The following MACROD1 variants were observed in gnomAD, a reference collection of about 807,000 sequenced individuals.
MACROD1 encodes ADP-ribose glycohydrolase MACROD1.
In MACROD1, 31 loss-of-function variants were observed where a neutral mutation model predicts 41.4. The observed-to-expected ratio is 0.75, with a 90% CI of 0.56 to 1.01. MACROD1 has a LOEUF of 1.01. MACROD1 is among the 50% of genes least tolerant of loss of function. The pLI is 0.00. For missense variants in MACROD1, 473 were observed against 460.0 expected, an observed-to-expected ratio of 1.03 and a Z score of -0.26; for synonymous variants, 252 against 203.4, an observed-to-expected ratio of 1.24 and a Z score of -2.03.
chr11:64,035,339 G>A (rs1253316892), intron 3 of MACROD1, among the ~76,000 whole-genome samples: 1 of 152,182 alleles, frequency 6.6e-6, no homozygotes, highest in Non-Finnish European at 1.5e-5. Context: ...GGTTACTTTG[G>A]CATGCAGAGT....
At chr11:63,999,823 T>C in intron 5 of MACROD1, 60 bp from the exon 6 acceptor site, 1 of 1,549,714 alleles carries the variant, frequency 6.5e-7, no homozygotes, top group Non-Finnish European at 8.7e-7. Context: ...CTCCCTCGCT[T>C]CCCCCTGCCG....
At chr11:64,070,049 C>A (rs1944078388) in intron 3 of MACROD1, among the ~76,000 whole-genome samples, 1 of 152,136 alleles carries the variant, frequency 6.6e-6, no homozygotes, top group South Asian at 2.1e-4. Flanking sequence ...AGGCTCTGTG[C>A]TAAGCACTCC....
chr11:64,103,158 G>A (rs1485696410), intron 3 of MACROD1: 1 of 152,232 alleles, frequency 6.6e-6, no homozygotes, highest in Non-Finnish European at 1.5e-5. Context: ...GGTCCCTCAT[G>A]TCTCTGGGCT....
intron 1 of MACROD1, among the ~76,000 whole-genome samples, chr11:64,162,758 T>C (rs1277813841): frequency 1.3e-5 from 2 of 150,442 alleles, no homozygotes; most frequent in Admixed American, 6.7e-5. Flanking sequence ...GAGCTTGCAA[T>C]GAACCAAGGT....
chr11:64,013,469 G>T lies in MACROD1; in HGVS notation c.547+1783C>A, dbSNP rs547226534. On this transcript the variant is annotated intron_variant, in intron 4 of 10. Transcript: ENST00000255681. ...AGGCCCGGAGGCAGGAGTGGGCGGG[G>T]CCTGTCCAGGGAGGCCAGGGTGGCC... Among the ~76,000 whole-genome samples the T allele has an allele frequency of 7.2e-5, 11 of 152,372 alleles. No homozygotes were observed. In the South Asian group the frequency reaches 2.1e-3, roughly 29 times the overall value.
rs1402142553 is a variant in MACROD1 at position 64,067,653 on chromosome 11, A to T, written c.518-52372T>A. Among the ~76,000 whole-genome samples, 2 of 152,150 alleles carry T rather than the reference A, an allele frequency of 1.3e-5. No individual in the cohort carries two copies. The highest frequency in any genetic ancestry group is 4.8e-5 in the African/African-American group (2 of 41,432). On this transcript the variant is annotated intron_variant, in intron 3 of 10. Transcript: ENST00000255681. This position sits in a 1 kb window ranked among gnomAD's most constrained non-coding sequence, Gnocchi z 4.6. ...CTCCGGTGCACACACAGGGTCCCCA[A>T]GCAGGCAGCTGGAGGGCTGGGGTGC... is the stretch of plus-strand genomic sequence containing the variant.
chr11:64,068,754 C>G (rs1163287776), intron 3 of MACROD1, among the ~76,000 whole-genome samples: 2 of 152,222 alleles, frequency 1.3e-5, no homozygotes, highest in Non-Finnish European at 2.9e-5. Flanking sequence ...GCCTGGGAGC[C>G]CAGATAATGG....
intron 4 of MACROD1, among the ~76,000 whole-genome samples, chr11:64,007,506 G>C (rs927950892): frequency 1.3e-4 from 20 of 152,298 alleles, no homozygotes; most frequent in African/African-American, 4.6e-4. Flanking sequence ...CCTGTGGCAG[G>C]AACAGGCCGG....
chr11:64,154,879 C>T (rs1426166767), intron 1 of MACROD1, among the ~76,000 whole-genome samples: 1 of 152,178 alleles, frequency 6.6e-6, no homozygotes, highest in Non-Finnish European at 1.5e-5. Flanking sequence ...GCCAGCACAC[C>T]CAACTAATTT....
At chr11:64,116,705 G>A (rs780377796) in intron 3 of MACROD1, 22 of 1,613,674 alleles carry the variant, frequency 1.4e-5, no homozygotes, top group Non-Finnish European at 1.6e-5. Context: ...CCAGGGACTC[G>A]CTGGCCCGCA....
At chr11:64,000,145 G>C in intron 5 of MACROD1, 82 bp downstream of exon 5, 1 of 1,158,146 alleles carries the variant, frequency 8.6e-7, no homozygotes, top group Non-Finnish European at 1.2e-6. Context: ...CAGCACTCCT[G>C]TGGGGGCCGC....
At chr11:64,163,509 G>A (rs1324334739) in intron 1 of MACROD1, among the ~76,000 whole-genome samples, 1 of 152,148 alleles carries the variant, frequency 6.6e-6, no homozygotes, top group African/African-American at 2.4e-5. Context: ...GATCCCTCTC[G>A]TGGAGCATAT....
chr11:64,080,145 G>A (rs530833432), intron 3 of MACROD1, among the ~76,000 whole-genome samples: 3 of 152,126 alleles, frequency 2.0e-5, no homozygotes, highest in Admixed American at 6.5e-5. Context: ...CCCGAGTAGC[G>A]GGGATTACAG....
intron 3 of MACROD1, among the ~76,000 whole-genome samples, chr11:64,137,197 T>C (rs973641848): frequency 1.3e-5 from 2 of 152,172 alleles, no homozygotes; most frequent in African/African-American, 4.8e-5. Context: ...CCAGTGGGCC[T>C]GAGCAAGACA....
chr11:64,068,448 G>C (rs974562173), intron 3 of MACROD1, among the ~76,000 whole-genome samples: 3 of 152,230 alleles, frequency 2.0e-5, no homozygotes, highest in Admixed American at 1.3e-4. Flanking sequence ...AGGAATAAAA[G>C]AGTCTGGGCA....
intron 3 of MACROD1, among the ~76,000 whole-genome samples, chr11:64,074,050 C>T (rs530749553): frequency 5.9e-5 from 9 of 152,292 alleles, no homozygotes; most frequent in East Asian, 1.9e-4. Context: ...ACTGTCAGCC[C>T]GGCCAGCTGG....
At chr11:64,006,193 C>T (rs2134326084) in intron 4 of MACROD1, among the ~76,000 whole-genome samples, 1 of 152,346 alleles carries the variant, frequency 6.6e-6, no homozygotes, top group South Asian at 2.1e-4. Context: ...AGTGACCTAC[C>T]CAAGGGTCTT....
intron 3 of MACROD1, among the ~76,000 whole-genome samples, chr11:64,050,984 C>G (rs976580518): frequency 6.6e-6 from 1 of 152,220 alleles, no homozygotes; most frequent in African/African-American, 2.4e-5. Context: ...GTCCCCTGAG[C>G]CCCACTCCTG....
intron 3 of MACROD1, among the ~76,000 whole-genome samples, chr11:64,110,428 T>C (rs1438994555): frequency 6.8e-6 from 1 of 147,068 alleles, no homozygotes; most frequent in Non-Finnish European, 1.5e-5. Context: ...CCAGACTGGG[T>C]GACAGAGCGA....
Sources: gnomAD v4.1 joint callset for allele counts (sites outside exome capture counted in the v4.1 genomes callset) on GRCh38, gnomAD v4.1.1 for gene constraint, Gnocchi (gnomAD v3.1) non-coding constraint, MANE v1.5 for transcripts, NCBI Gene and HGNC (gene_info 2026-07-23, HGNC 2026-07-21) for gene names.